NUMA1: variants seen among roughly 807,000 people sequenced by gnomAD.
The protein encoded by NUMA1 is nuclear mitotic apparatus protein 1, also known as SP-H antigen.
NUMA1 carries 62 observed loss-of-function variants against 237.1 expected under a neutral mutation model. The observed-to-expected ratio is 0.26, with a 90% CI of 0.21 to 0.32. The LOEUF (loss-of-function observed/expected upper bound fraction) is 0.32, where lower values mean the gene tolerates loss of function less well. NUMA1 is among the 10% of genes least tolerant of loss of function. NUMA1 has a pLI of 1.00. For synonymous variants in NUMA1, 1,028 were observed against 1,066.1 expected (o/e 0.96, Z 0.70); for missense variants, 2,533 against 2,666.5 (o/e 0.95, Z 1.10).
intron 1 of NUMA1, 89 bp from the exon 2 acceptor site, chr11:72,070,000 AC>A: frequency 6.6e-6 from 1 of 152,038 alleles, no homozygotes; most frequent in East Asian, 1.9e-4. Flanking sequence ...ATCCTGGGCA[AC>A]CCCAGCGTTC....
chr11:72,018,159 T>C (rs1478964916), intron 12 of NUMA1, 24 bp downstream of exon 12: 6 of 1,551,728 alleles, frequency 3.9e-6, no homozygotes, highest in East Asian at 2.2e-5. Flanking sequence ...GGGGCCTCCA[T>C]GCACACACCA....
In NUMA1 at chr11:72,007,437, T is replaced by C. The variant is rs1248441855; in HGVS notation, c.5217-2A>G. 1 of 1,613,168 alleles carries C rather than the reference T, an allele frequency of 6.2e-7. No homozygotes were observed. The highest frequency in any genetic ancestry group is 1.7e-5 in the Admixed American group (1 of 59,986). On this transcript the variant is annotated splice_acceptor_variant, in intron 20 of 26. Coordinates refer to ENST00000393695, the MANE Select transcript of NUMA1 (RefSeq NM_006185.4). LOFTEE classifies it high-confidence loss of function. ...TCTGGCTGGGTACGAGGCAGCTTGC[T>C]ATGGAAAGGAAACCTGCTGAGGTAC...
At position 72,005,248 on chromosome 11, in the gene NUMA1, A is replaced by T; in HGVS notation, c.5814T>A (p.Tyr1938Ter). Residue 1938 changes from tyrosine to a stop codon, truncating the protein, a stop_gained, in exon 23 of 27, where the codon TAT becomes TAA. Coordinates refer to ENST00000393695, the MANE Select transcript of NUMA1 (RefSeq NM_006185.4). LOFTEE classifies it high-confidence loss of function. Reference protein sequence around the residue: ...RVCPPHLKTCYPLESRPSLSL... With the variant: ...RVCPPHLKTC Reference sequence around the variant, plus strand: ...CAGGCCTCACCCTGGACTCCAGGGGATAGCAGGTCTTCAGATGTGGGGGGC... The same window carrying T: ...CAGGCCTCACCCTGGACTCCAGGGGTTAGCAGGTCTTCAGATGTGGGGGGC... 1 of 1,601,698 alleles carries T rather than the reference A, an allele frequency of 6.2e-7. No individual in the cohort carries two copies.
chr11:72,067,232 A>T (rs980635726), intron 2 of NUMA1: 6 of 152,162 alleles, frequency 3.9e-5, no homozygotes, highest in African/African-American at 7.2e-5. Flanking sequence ...AAAGCAACTA[A>T]TTAGGCCACT....
chr11:72,023,691 G>T (rs1939204730), intron 5 of NUMA1, among the ~76,000 whole-genome samples: 1 of 152,150 alleles, frequency 6.6e-6, no homozygotes, highest in Admixed American at 6.5e-5. Flanking sequence ...GTGGTCTAAG[G>T]CTGGACAAGG....
chr11:72,016,567 G>T, intron 13 of NUMA1, 37 bp from the exon 14 acceptor site: 1 of 1,604,372 alleles, frequency 6.2e-7, no homozygotes, highest in African/African-American at 1.3e-5. Context: ...CAGAGAGGGG[G>T]AACAGGCACC....
chr11:72,041,108 G>A (rs542685994), intron 2 of NUMA1: 2 of 152,324 alleles, frequency 1.3e-5, no homozygotes, highest in Non-Finnish European at 2.9e-5. Flanking sequence ...CCTGGCAGGA[G>A]CGATCTTCCT....
chr11:72,056,232 G>A (rs1296353543), intron 2 of NUMA1, among the ~76,000 whole-genome samples: 3 of 151,954 alleles, frequency 2.0e-5, no homozygotes, highest in Non-Finnish European at 4.4e-5. Flanking sequence ...GCTAAGGCAG[G>A]AGGATCACTT....
intron 1 of NUMA1, among the ~76,000 whole-genome samples, chr11:72,072,541 A>G (rs940007173): frequency 6.6e-6 from 1 of 152,174 alleles, no homozygotes; most frequent in African/African-American, 2.4e-5. Flanking sequence ...ACAGCTGCCA[A>G]CAGAGGCCTC....
rs958179717 is a variant in NUMA1 at position 72,018,278 on chromosome 11, T to G, written c.883A>C (p.Thr295Pro). The change falls in exon 12 of 27, where the codon ACC (threonine) becomes CCC (proline). Residue 295 changes from threonine to proline, a missense_variant. Transcript: ENST00000393695. ...NESLTMRLHE[T>P]LKQCQDLKTE... ...TTCAGGTCCTGGCACTGCTTCAGGG[T>G]TTCATGCAGCCGCATGGTAAGGCTG... 6.2e-7 allele frequency: 1 copy of G among 1,613,966 alleles called. No individual in the cohort carries two copies. The highest frequency in any genetic ancestry group is 1.3e-5 in the African/African-American group (1 of 74,916).
Position 72,003,896 on chromosome 11 carries a change from G to C in NUMA1, c.6327C>G (p.Ala2109=). The C allele has an allele frequency of 1.2e-6, 2 of 1,613,656 alleles. No homozygotes were observed. Among genetic ancestry groups the C allele is most frequent in the Non-Finnish European group, 1.7e-6 (2 of 1,179,878 alleles). ...CTGCCAGTGCCTCTACCTTGCCCTT[G>C]GCTCGAGGGGTGGCACCAATGGCGG... ...TAAAIGATPR[A]KGKAKH The change falls in exon 26 of 27, where the codon GCC becomes GCG. Residue 2109 remains alanine (A), a synonymous_variant. Coordinates refer to ENST00000393695, the MANE Select transcript of NUMA1 (RefSeq NM_006185.4).
intron 13 of NUMA1, 140 bp downstream of exon 13, chr11:72,017,547 A>G (rs1196149907): frequency 3.7e-6 from 4 of 1,092,226 alleles, no homozygotes; most frequent in African/African-American, 3.1e-5. Flanking sequence ...GAAGCCCACA[A>G]TCTTTCAATT....
Position 72,018,899 on chromosome 11 carries a change from C to T in NUMA1, c.666G>A (p.Gln222=). The T allele has an allele frequency of 6.2e-7, 1 of 1,614,100 alleles. No homozygotes were observed. The highest frequency in any genetic ancestry group is 8.5e-7 in the Non-Finnish European group (1 of 1,180,028). The change falls in exon 10 of 27, where the codon CAG becomes CAA. Residue 222 remains glutamine (Q), a synonymous_variant. Coordinates refer to ENST00000393695, the MANE Select transcript of NUMA1 (RefSeq NM_006185.4). ...CCCTATTACTTCTCTCATCAGCAAG[C>T]TGCTTCTTCAGCCGTCTCATCTGGA... ...PQFQMRRLKK[Q]LADERSNRDE...
At chr11:72,053,596 A>G (rs916870947) in intron 2 of NUMA1, among the ~76,000 whole-genome samples, 1 of 152,238 alleles carries the variant, frequency 6.6e-6, no homozygotes, top group African/African-American at 2.4e-5. Context: ...AGTCAGTTCT[A>G]TAGTTCTGTA....
chr11:72,045,440 T>C (rs746678539), intron 2 of NUMA1, among the ~76,000 whole-genome samples: 1 of 152,344 alleles, frequency 6.6e-6, no homozygotes, highest in African/African-American at 2.4e-5. Flanking sequence ...CCAAAACTTT[T>C]ACAGAAAAGC....
chr11:72,031,349 ATAAAAT>A (rs1453030860), intron 3 of NUMA1, among the ~76,000 whole-genome samples: 1 of 152,186 alleles, frequency 6.6e-6, no homozygotes, highest in Non-Finnish European at 1.5e-5. Context: ...ATTATGGTTA[ATAAAAT>A]TAAAATAATG....
chr11:72,043,521 C>G (rs1360690831), intron 2 of NUMA1, among the ~76,000 whole-genome samples: 2 of 128,814 alleles, frequency 1.6e-5, no homozygotes, highest in Admixed American at 1.7e-4. Context: ...GCCACCATGC[C>G]TGGCTAATTT....
At chr11:72,025,356 G>C (rs1456943737) in intron 4 of NUMA1, among the ~76,000 whole-genome samples, 1 of 151,922 alleles carries the variant, frequency 6.6e-6, no homozygotes, top group East Asian at 1.9e-4. Flanking sequence ...AGATTACAGT[G>C]AGCTGAGATC....
intron 21 of NUMA1, among the ~76,000 whole-genome samples, chr11:72,006,807 G>T (rs1021601481): frequency 1.3e-5 from 2 of 152,218 alleles, no homozygotes; most frequent in Non-Finnish European, 2.9e-5. Context: ...TCAAGATGTG[G>T]AAACAAAGGC....
Sources: allele counts gnomAD v4.1 joint callset (sites outside exome capture counted in the v4.1 genomes callset), GRCh38; gene constraint gnomAD v4.1.1; transcripts MANE v1.5; gene names NCBI Gene and HGNC (gene_info 2026-07-23, HGNC 2026-07-21).